SP100: variants seen among roughly 807,000 people sequenced by gnomAD.
The protein encoded by SP100 is nuclear autoantigen Sp-100.
In SP100, 84 loss-of-function variants were observed where a neutral mutation model predicts 130.0. That is an observed-to-expected ratio of 0.65 (90% confidence interval 0.54 to 0.77). SP100 has a LOEUF of 0.77. Ranked by LOEUF, SP100 falls within the 30% of genes least tolerant of loss-of-function variation. The pLI is 0.00. For synonymous variants in SP100, 331 were observed against 351.7 expected, an observed-to-expected ratio of 0.94 and a Z score of 0.66; for missense variants, 978 against 1,052.2, an observed-to-expected ratio of 0.93 and a Z score of 0.97.
At chr2:230,472,388 A>G (rs1238721220) in intron 15 of SP100, among the ~76,000 whole-genome samples, 2 of 142,948 alleles carry the variant, frequency 1.4e-5, no homozygotes, top group African/African-American at 2.7e-5. Context: ...AGATCGCACC[A>G]CTGCACTCCA....
chr2:230,477,458 G>A (rs900569638), intron 17 of SP100, among the ~76,000 whole-genome samples: 2 of 152,030 alleles, frequency 1.3e-5, no homozygotes, highest in Non-Finnish European at 2.9e-5. Flanking sequence ...CTAGAAGTTT[G>A]ATATAACTGA....
intron 5 of SP100, among the ~76,000 whole-genome samples, 186 bp from the exon 6 acceptor site, chr2:230,448,902 C>T (rs1046956377): frequency 1.3e-5 from 2 of 152,284 alleles, no homozygotes; most frequent in Middle Eastern, 6.8e-3. Context: ...GACCCAGTCC[C>T]CTACTCTCAA....
At chr2:230,496,214 T>C (rs541457847) in intron 18 of SP100, among the ~76,000 whole-genome samples, 1 of 152,336 alleles carries the variant, frequency 6.6e-6, no homozygotes, top group South Asian at 2.1e-4. Context: ...CATTTATTCC[T>C]TCTACTTCCT....
At chr2:230,433,769 C>T (rs2063166735) in intron 2 of SP100, among the ~76,000 whole-genome samples, 1 of 151,264 alleles carries the variant, frequency 6.6e-6, no homozygotes, top group East Asian at 2.0e-4. Context: ...GCAAACTCGA[C>T]TTTTAAATTC....
chr2:230,449,426 T>C (rs771527441), intron 6 of SP100, 135 bp from the exon 7 acceptor site: 28 of 976,862 alleles, frequency 2.9e-5, no homozygotes, highest in Non-Finnish European at 4.3e-5. Context: ...ATTTTCTGCC[T>C]GCATCTGCTT....
At chr2:230,480,991 G>A (rs954321698) in intron 17 of SP100, among the ~76,000 whole-genome samples, 8 of 147,368 alleles carry the variant, frequency 5.4e-5, no homozygotes, top group African/African-American at 1.7e-4. Flanking sequence ...TCATTTGCTG[G>A]TGATGTTGGT....
chr2:230,464,027 A>T, intron 10 of SP100, 40 bp from the exon 11 acceptor site: 1 of 1,324,036 alleles, frequency 7.6e-7, no homozygotes, highest in Non-Finnish European at 1.1e-6. Flanking sequence ...TTCCTTGGTC[A>T]CACACTGAGA....
rs745564957 is a variant in SP100, at chr2:230,449,486, G to A, written c.587-75G>A. ...TTGACCTTACGTCCATCAGTGGCCC[G>A]TGCTGTAGTGGTTGGAGGGGAGTGA... On this transcript the variant is annotated intron_variant, in intron 6 of 28. Coordinates refer to ENST00000340126, the MANE Select transcript of SP100 (RefSeq NM_001080391.2). The A allele has an allele frequency of 9.1e-5, 139 of 1,526,518 alleles. 1 individual carries two copies. The highest frequency in any genetic ancestry group is 8.8e-4 in the South Asian group (78 of 88,842). The allele number at this position is 1,526,518 out of a possible 1,614,324, so 94.6% of individuals were successfully genotyped here.
At chr2:230,442,883 A>C in intron 2 of SP100, 54 bp from the exon 3 acceptor site, 1 of 1,513,584 alleles carries the variant, frequency 6.6e-7, no homozygotes, top group Non-Finnish European at 9.1e-7. Flanking sequence ...TACAGCCTCC[A>C]CAAACATCTC....
At chr2:230,465,881 C>T (rs995487718) in intron 11 of SP100, among the ~76,000 whole-genome samples, 2 of 152,008 alleles carry the variant, frequency 1.3e-5, no homozygotes, top group South Asian at 2.1e-4. Flanking sequence ...GAGAGAAAAA[C>T]GCTCATCAAA....
intron 21 of SP100, among the ~76,000 whole-genome samples, chr2:230,504,953 A>G (rs971204526): frequency 6.6e-6 from 1 of 152,112 alleles, no homozygotes; most frequent in African/African-American, 2.4e-5. Flanking sequence ...TTTGTTTATA[A>G]CCATAAATAA....
intron 2 of SP100, among the ~76,000 whole-genome samples, chr2:230,424,742 G>T (rs1575587026): frequency 6.6e-6 from 1 of 152,004 alleles, no homozygotes; most frequent in South Asian, 2.1e-4. Context: ...TTCCCAGTTG[G>T]GGTGCCAGCA....
intron 24 of SP100, among the ~76,000 whole-genome samples, chr2:230,518,393 T>C (rs1691023105): frequency 6.6e-6 from 1 of 151,896 alleles, no homozygotes; most frequent in Admixed American, 6.6e-5. Flanking sequence ...ATGTTTAAAC[T>C]TTCAGTAACT....
At chr2:230,476,254 T>C (rs991436889) in intron 17 of SP100, among the ~76,000 whole-genome samples, 15 of 152,216 alleles carry the variant, frequency 9.9e-5, no homozygotes, top group Admixed American at 6.5e-5. Context: ...ATCTTTCACC[T>C]CCTTGGCTGG....
intron 24 of SP100, among the ~76,000 whole-genome samples, chr2:230,512,712 A>T (rs1167762564): frequency 6.6e-6 from 1 of 152,310 alleles, no homozygotes; most frequent in East Asian, 1.9e-4. Context: ...GGATGTTTCA[A>T]GCACATTAAA....
chr2:230,473,293 C>A (rs756264320), intron 15 of SP100, 31 bp from the exon 16 acceptor site: 6 of 1,511,310 alleles, frequency 4.0e-6, no homozygotes, highest in Non-Finnish European at 4.6e-6. Flanking sequence ...GGAGTGGGCA[C>A]AAATAAAAAT....
rs530964313 is a variant in SP100 at position 230,433,997 on chromosome 2, A to T, written c.108-8940A>T. On this transcript the variant is annotated intron_variant, in intron 2 of 28. Coordinates refer to ENST00000340126, the MANE Select transcript of SP100 (RefSeq NM_001080391.2). ...TTATTTCTTTTCTCTGATATTACCTAAAAAATGGTAAAAGAAAGATCTGAA... is the reference window on the plus strand; with the variant it reads ...TTATTTCTTTTCTCTGATATTACCTTAAAAATGGTAAAAGAAAGATCTGAA... Among the ~76,000 whole-genome samples the T allele has an allele frequency of 1.3e-4, 19 of 151,252 alleles. No homozygotes were observed. The East Asian group carries it at 3.7e-3, about 30-fold the overall frequency.
chr2:230,464,179 C>T (rs1559502410), intron 11 of SP100, 29 bp downstream of exon 11: 2 of 1,319,572 alleles, frequency 1.5e-6, no homozygotes, highest in South Asian at 2.4e-5. Flanking sequence ...CAACCCGAGA[C>T]TGTAGAATAT....
chr2:230,495,921 T>C (rs76205494), intron 18 of SP100, among the ~76,000 whole-genome samples: 2,069 of 152,302 alleles, frequency 0.014, 43 homozygotes, highest in African/African-American at 0.046. Flanking sequence ...TATTTGTCTG[T>C]CACTCATATA....
Sources: gnomAD v4.1 joint callset for allele counts (sites outside exome capture counted in the v4.1 genomes callset) on GRCh38, gnomAD v4.1.1 for gene constraint, MANE v1.5 for transcripts, NCBI Gene and HGNC (gene_info 2026-07-23, HGNC 2026-07-21) for gene names.